The following THSD4 variants were observed in gnomAD, a reference collection of about 807,000 sequenced individuals.
THSD4 encodes thrombospondin type 1 domain containing 4, also known as thrombospondin type-1 domain-containing protein 4.
THSD4 carries 69 observed loss-of-function variants against 119.0 expected under a neutral mutation model. That is an observed-to-expected ratio of 0.58 (90% CI 0.48 to 0.71). THSD4 has a LOEUF of 0.71. Ranked by LOEUF, THSD4 falls within the 30% of genes least tolerant of loss-of-function variation. THSD4 has a pLI of 0.00. For missense variants in THSD4, 1,393 were observed against 1,391.1 expected, an observed-to-expected ratio of 1.00 and a Z score of -0.02; for synonymous variants, 524 against 540.4, an observed-to-expected ratio of 0.97 and a Z score of 0.42.
Position 71,370,287 on chromosome 15 carries a change from T to A in THSD4, c.1016-41400T>A, listed in dbSNP as rs183175378. Reference sequence around the variant, plus strand: ...TTTTTATGTCTCTATCTCCTTCAGTTCTGCTCTGATCTTAGTTATTTCTTG... The same window carrying A: ...TTTTTATGTCTCTATCTCCTTCAGTACTGCTCTGATCTTAGTTATTTCTTG... On this transcript the variant is annotated intron_variant, in intron 6 of 17. Coordinates refer to ENST00000261862, the MANE Select transcript of THSD4 (RefSeq NM_024817.3). Among the ~76,000 whole-genome samples the A allele has an allele frequency of 6.3e-4, 96 of 152,328 alleles. 2 individuals carry two copies. The East Asian group carries it at 0.016, about 26-fold the overall frequency.
At position 71,642,393 on chromosome 15, in the gene THSD4, G is replaced by A. The variant is rs372724996; in HGVS notation, c.1153-18137G>A. On this transcript the variant is annotated intron_variant, in intron 7 of 17. Transcript: ENST00000261862. The stretch of plus-strand genomic sequence containing the variant: ...CAACCATTGTGGAAGTCAGTGTGGC[G>A]ATTCCTCAGGGATCTAGAACTAGAA... 9.5e-3 allele frequency among the ~76,000 whole-genome samples: 1,450 copies of A among 152,114 alleles called. 25 individuals carry two copies. The highest frequency in any genetic ancestry group is 0.032 in the African/African-American group (1,333 of 41,486).
At chr15:71,728,142 A>G (rs1198644605) in intron 8 of THSD4, among the ~76,000 whole-genome samples, 1 of 152,096 alleles carries the variant, frequency 6.6e-6, no homozygotes, top group Non-Finnish European at 1.5e-5. Flanking sequence ...GCCAAACTAA[A>G]CCCATTTATG....
intron 6 of THSD4, among the ~76,000 whole-genome samples, chr15:71,317,245 A>T (rs531872460): frequency 2.5e-4 from 38 of 152,178 alleles, no homozygotes; most frequent in Non-Finnish European, 4.9e-4. Context: ...CTGTGAACCC[A>T]TTTCTGTGTA....
At position 71,607,333 on chromosome 15, in the gene THSD4, T is replaced by A. The variant is rs1039235496; in HGVS notation, c.1153-53197T>A. On this transcript the variant is annotated intron_variant, in intron 7 of 17. Transcript: ENST00000261862. ...AAAAATGCTCAAAGGCAAGAATGGA[T>A]GGCATTTGTAAATGACAAGGAGCCT... is the stretch of plus-strand genomic sequence containing the variant. Among the ~76,000 whole-genome samples the A allele has an allele frequency of 2.6e-5, 4 of 152,306 alleles. No homozygotes were observed. In the South Asian group the frequency reaches 8.3e-4, roughly 32 times the overall value.
At chr15:71,181,417 G>T (rs757356307) in intron 3 of THSD4, among the ~76,000 whole-genome samples, 1 of 152,160 alleles carries the variant, frequency 6.6e-6, no homozygotes, top group Non-Finnish European at 1.5e-5. Context: ...GTGTTTGGAA[G>T]GCCCTTTACA....
chr15:71,689,085 C>T (rs1455227526), intron 8 of THSD4, among the ~76,000 whole-genome samples: 1 of 152,192 alleles, frequency 6.6e-6, no homozygotes, highest in Non-Finnish European at 1.5e-5. Context: ...TAGAGCTCTT[C>T]AGTTTACTTC....
At chr15:71,473,692 G>A (rs1011054479) in intron 7 of THSD4, among the ~76,000 whole-genome samples, 2 of 152,242 alleles carry the variant, frequency 1.3e-5, no homozygotes, top group East Asian at 3.9e-4. Context: ...GGGTATCAAG[G>A]ACCCTGACCC....
chr15:71,406,274 T>A (rs1287992373), intron 6 of THSD4, among the ~76,000 whole-genome samples: 1 of 152,244 alleles, frequency 6.6e-6, no homozygotes. Flanking sequence ...TTTTATAGCC[T>A]AACATTTATT....
At position 71,489,990 on chromosome 15, in the gene THSD4, T is replaced by C. The variant is rs777822679; in HGVS notation, c.1152+78167T>C. ...TACATATTTTCTTTCCTTTGAAAGA[T>C]TGAGATCACTCTAAACCTACAGTTT... is the stretch of plus-strand genomic sequence containing the variant. On this transcript the variant is annotated intron_variant, in intron 7 of 17. Coordinates refer to ENST00000261862, the MANE Select transcript of THSD4 (RefSeq NM_024817.3). 3.9e-5 allele frequency among the ~76,000 whole-genome samples: 6 copies of C among 152,350 alleles called. No homozygotes were observed. The South Asian group carries it at 6.2e-4, about 16-fold the overall frequency.
intron 6 of THSD4, among the ~76,000 whole-genome samples, chr15:71,259,075 T>C (rs866566396): frequency 2.0e-5 from 3 of 151,602 alleles, no homozygotes; most frequent in Middle Eastern, 3.4e-3. Flanking sequence ...ATCACGCCAT[T>C]GCACTGCAGC....
At chr15:71,588,132 C>T (rs61393690) in intron 7 of THSD4, among the ~76,000 whole-genome samples, 8,209 of 151,658 alleles carry the variant, frequency 0.054, 257 homozygotes, top group South Asian at 0.11. Context: ...TGGTGAAACC[C>T]CGTCTCTACT....
chr15:71,485,701 G>A (rs1345714681), intron 7 of THSD4, among the ~76,000 whole-genome samples: 2 of 151,858 alleles, frequency 1.3e-5, no homozygotes, highest in Non-Finnish European at 2.9e-5. Flanking sequence ...AAAAAAGAGA[G>A]AGAATAAAAC....
chr15:71,488,888 A>G (rs2047867014), intron 7 of THSD4, among the ~76,000 whole-genome samples: 1 of 152,166 alleles, frequency 6.6e-6, no homozygotes, highest in Admixed American at 6.5e-5. Context: ...ATTCCAGCTC[A>G]CCAATATCTG....
intron 2 of THSD4, among the ~76,000 whole-genome samples, chr15:71,142,569 C>T (rs2040615388): frequency 6.6e-6 from 1 of 152,152 alleles, no homozygotes; most frequent in Admixed American, 6.5e-5. Flanking sequence ...TAAATACCGA[C>T]ATTTGAAATC....
At chr15:71,156,643 A>T (rs1009818578) in intron 3 of THSD4, among the ~76,000 whole-genome samples, 1 of 152,138 alleles carries the variant, frequency 6.6e-6, no homozygotes, top group Non-Finnish European at 1.5e-5. Context: ...TTGGCTAAAC[A>T]TGACCCTTCT....
At chr15:71,641,773 T>G (rs1355534741) in intron 7 of THSD4, among the ~76,000 whole-genome samples, 2 of 152,066 alleles carry the variant, frequency 1.3e-5, no homozygotes, top group Non-Finnish European at 2.9e-5. Context: ...TAAGCCACTG[T>G]TTTCACAAGA....
intron 7 of THSD4, among the ~76,000 whole-genome samples, chr15:71,443,674 C>G (rs1415114861): frequency 1.7e-5 from 2 of 114,922 alleles, no homozygotes; most frequent in African/African-American, 3.1e-5. Context: ...CATCCCAGAT[C>G]ACTCGTTAAA....
chr15:71,388,304 A>C (rs993231134), intron 6 of THSD4, among the ~76,000 whole-genome samples: 1 of 152,162 alleles, frequency 6.6e-6, no homozygotes, highest in Non-Finnish European at 1.5e-5. Flanking sequence ...AGTACCCACT[A>C]GGTGCCAGGT....
At chr15:71,441,397 A>ATTTTTTTTTTTTTTTT (rs1215547880) in intron 7 of THSD4, among the ~76,000 whole-genome samples, 1 of 73,360 alleles carries the variant, frequency 1.4e-5, no homozygotes. Context: ...CACCTGTAGA[A>ATTTTTTTTTTTTTTTT]TTTTTTTTTT....
Sources: gnomAD v4.1 joint callset for allele counts (sites outside exome capture counted in the v4.1 genomes callset) on GRCh38, gnomAD v4.1.1 for gene constraint, MANE v1.5 for transcripts, NCBI Gene and HGNC (gene_info 2026-07-23, HGNC 2026-07-21) for gene names.